The following RNF207 variants were observed in gnomAD, a reference collection of about 807,000 sequenced individuals.
The protein encoded by RNF207 is OTTHUMG00000001089.
RNF207 carries 72 observed loss-of-function variants against 79.0 expected under a neutral mutation model. The observed-to-expected ratio is 0.91, with a 90% CI of 0.75 to 1.11. The LOEUF (loss-of-function observed/expected upper bound fraction) is 1.11, where lower values mean the gene tolerates loss of function less well. RNF207 is among the 50% of genes least tolerant of loss of function. The pLI is 0.00. For synonymous variants in RNF207, 348 were observed against 366.2 expected, an observed-to-expected ratio of 0.95 and a Z score of 0.57; for missense variants, 936 against 855.8, an observed-to-expected ratio of 1.09 and a Z score of -1.17.
Position 6,206,689 on chromosome 1 carries a change from C to T in RNF207, c.154C>T (p.Arg52Cys), listed in dbSNP as rs769349321. Reference protein sequence around the residue: ...HDFCAGCLRGRATDGRLTCPL... With the variant: ...HDFCAGCLRGCATDGRLTCPL... ...CTTCTGTGCCGGCTGCCTGCGTGGC[C>T]GCGCGACCGACGGCCGCCTCACCTG... The change falls in exon 2 of 18, where the codon CGC becomes TGC. Residue 52 changes from arginine to cysteine, a missense_variant. Transcript: ENST00000377939. 12 of 1,603,912 alleles carry T rather than the reference C, an allele frequency of 7.5e-6. No individual in the cohort carries two copies. In the South Asian group the frequency reaches 1.2e-4, roughly 16 times the overall value.
Position 6,207,606 on chromosome 1 carries a change from G to T in RNF207, c.324+95G>T, listed in dbSNP as rs766695421. The stretch of plus-strand genomic sequence containing the variant: ...TGCACTCAGCATGTCTTCAGAGGAC[G>T]ACCTGGCAGTGGATTCTCCAGCACC... On this transcript the variant is annotated intron_variant, in intron 3 of 17. Coordinates refer to ENST00000377939, the MANE Select transcript of RNF207 (RefSeq NM_207396.3). This position sits in a 1 kb window ranked among gnomAD's most constrained non-coding sequence, Gnocchi z 4.5. 4.2e-5 allele frequency: 58 copies of T among 1,390,724 alleles called. No homozygotes were observed. In the Middle Eastern group the frequency reaches 1.4e-3, roughly 33 times the overall value. 86.1% of individuals were successfully genotyped at this position (1,390,724 alleles called of 1,614,324 possible).
intron 16 of RNF207, among the ~76,000 whole-genome samples, chr1:6,214,166 C>T (rs1668278878): frequency 6.6e-6 from 1 of 152,166 alleles, no homozygotes; most frequent in South Asian, 2.1e-4. Context: ...AGGCATCGCT[C>T]TCTCGCTTTC....
chr1:6,210,222 G>A lies in RNF207; in HGVS notation c.801-1G>A. The A allele has an allele frequency of 6.2e-7, 1 of 1,612,978 alleles. No homozygotes were observed. The highest frequency in any genetic ancestry group is 8.5e-7 in the Non-Finnish European group (1 of 1,179,444). ...GAAACCAGGCAGCCCCCCTCCCCCA[G>A]CCAATACGAAGAGAAGGACAAGGCC... On this transcript the variant is annotated splice_acceptor_variant, in intron 8 of 17. Transcript: ENST00000377939. LOFTEE classifies it high-confidence loss of function.
chr1:6,207,772 A>G lies in RNF207; in HGVS notation c.324+261A>G. 1.5e-6 allele frequency: 1 copy of G among 657,388 alleles called. No individual in the cohort carries two copies. The highest frequency in any genetic ancestry group is 1.5e-5 in the South Asian group (1 of 65,330). The allele number at this position is 657,388 out of a possible 1,614,324, so 40.7% of individuals were successfully genotyped here. On this transcript the variant is annotated intron_variant, in intron 3 of 17. Coordinates refer to ENST00000377939, the MANE Select transcript of RNF207 (RefSeq NM_207396.3). This position sits in a 1 kb window ranked among gnomAD's most constrained non-coding sequence, Gnocchi z 4.5. The stretch of plus-strand genomic sequence containing the variant: ...ATCTGGGGAGAGCTCACTGGTCCCC[A>G]ATTCAGGGTGGAGTTGTGGACCTGC...
chr1:6,214,923 A>C (rs573587933), intron 16 of RNF207, among the ~76,000 whole-genome samples: 17 of 149,108 alleles, frequency 1.1e-4, no homozygotes, highest in African/African-American at 4.0e-4. Flanking sequence ...CACCACGCCC[A>C]GCCTCTTTTT....
In RNF207 at chr1:6,219,141, G is replaced by A. The variant is rs1264572183; in HGVS notation, c.1734-95G>A. On this transcript the variant is annotated intron_variant, in intron 17 of 17. Coordinates refer to ENST00000377939, the MANE Select transcript of RNF207 (RefSeq NM_207396.3). ...ACTCACTGAGGCCTTCCAGGAAGAC[G>A]TTCCATTCTGAGTGCTTTGGCCCAA... The A allele has an allele frequency of 6.1e-6, 7 of 1,141,700 alleles. No homozygotes were observed. The South Asian group carries it at 7.2e-5, about 12-fold the overall frequency. The allele number at this position is 1,141,700 out of a possible 1,614,324, so 70.7% of individuals were successfully genotyped here.
rs1173259605 is a variant in RNF207 at position 6,210,947 on chromosome 1, T to C, written c.1011+9T>C. On this transcript the variant is annotated intron_variant, in intron 11 of 17. Coordinates refer to ENST00000377939, the MANE Select transcript of RNF207 (RefSeq NM_207396.3). ...CTATTCAGAGCAGCAAGGTGTGCAG[T>C]GGCCTGGGTGGGCCAGGGTCGGGGG... The C allele has an allele frequency of 2.5e-6, 4 of 1,602,838 alleles. No homozygotes were observed. Among genetic ancestry groups the C allele is most frequent in the Non-Finnish European group, 3.4e-6 (4 of 1,175,364 alleles).
At chr1:6,216,207 A>G (rs547383120) in intron 16 of RNF207, among the ~76,000 whole-genome samples, 116 of 152,268 alleles carry the variant, frequency 7.6e-4, no homozygotes, top group African/African-American at 2.8e-3. Context: ...AGTCACCTGG[A>G]AGACTGGAAG....
intron 16 of RNF207, among the ~76,000 whole-genome samples, chr1:6,214,653 T>G (rs1668301142): frequency 8.1e-6 from 1 of 123,878 alleles, no homozygotes; most frequent in Non-Finnish European, 1.7e-5. Context: ...TTTTTTTTTT[T>G]GAGACAGAGT....
chr1:6,218,888 T>C (rs1019953540), intron 17 of RNF207, among the ~76,000 whole-genome samples: 2 of 152,298 alleles, frequency 1.3e-5, no homozygotes, highest in South Asian at 2.1e-4. Flanking sequence ...AGAGGGTTGC[T>C]GAAGTGGCCA....
At chr1:6,213,623 C>T (rs1668261213) in intron 16 of RNF207, among the ~76,000 whole-genome samples, 1 of 152,186 alleles carries the variant, frequency 6.6e-6, no homozygotes, top group African/African-American at 2.4e-5. Flanking sequence ...AGTGAGTGGG[C>T]TGCTCTGAGT....
In RNF207 at chr1:6,208,890, A is replaced by G; in HGVS notation, c.334A>G (p.Thr112Ala). 1 of 1,530,498 alleles carries G rather than the reference A, an allele frequency of 6.5e-7. No homozygotes were observed. Among genetic ancestry groups the G allele is most frequent in the Non-Finnish European group, 8.7e-7 (1 of 1,143,848 alleles). The allele number at this position is 1,530,498 out of a possible 1,614,324, so 94.8% of individuals were successfully genotyped here. The change falls in exon 4 of 18, where the codon ACC becomes GCC. Residue 112 changes from threonine (T) to alanine (A), a missense_variant. By Grantham distance (58) the Thr-to-Ala change is moderately conservative. Transcript: ENST00000377939. Reference protein sequence around the residue: ...DLECSEQDVETTYFCNTCGQP... With the variant: ...DLECSEQDVEATYFCNTCGQP... ...CGCGCTCGGCCCGCAGGACGTGGAG[A>G]CCACGTACTTCTGCAACACGTGCGG...
rs1668062099 is a variant in RNF207 at position 6,209,416 on chromosome 1, C to T, written c.630C>T (p.Ala210=). The T allele has an allele frequency of 1.3e-6, 2 of 1,520,966 alleles. No individual in the cohort carries two copies. Among genetic ancestry groups the T allele is most frequent in the African/African-American group, 1.4e-5 (1 of 70,856 alleles). The allele number at this position is 1,520,966 out of a possible 1,614,324, so 94.2% of individuals were successfully genotyped here. The change falls in exon 7 of 18, where the codon GCC becomes GCT. Residue 210 remains alanine (A), a splice_region_variant and synonymous_variant. Coordinates refer to ENST00000377939, the MANE Select transcript of RNF207 (RefSeq NM_207396.3). ...GCCTGACCACGCCCTGTCCCCAGGC[C>T]GTGAAGGCCCTGCAGACGGCCACGC... ...GCERLEQAVL[A]VKALQTATRE...
At chr1:6,209,722 T>C (rs576337272) in intron 7 of RNF207, among the ~76,000 whole-genome samples, 183 bp downstream of exon 7, 7 of 151,638 alleles carry the variant, frequency 4.6e-5, no homozygotes, top group African/African-American at 1.7e-4. Flanking sequence ...GGTGGGGGTG[T>C]GAGGTGGTCA....
chr1:6,210,056 C>A, intron 8 of RNF207, 86 bp downstream of exon 8: 1 of 1,420,668 alleles, frequency 7.0e-7, no homozygotes. Context: ...CTGCCCCACC[C>A]TGAGGAGCAA....
chr1:6,206,940 G>A (rs1225774206), intron 2 of RNF207, among the ~76,000 whole-genome samples: 1 of 152,210 alleles, frequency 6.6e-6, no homozygotes, highest in Non-Finnish European at 1.5e-5. Flanking sequence ...CCTGGAGATT[G>A]CAGTTACTGG....
chr1:6,212,064 A>T lies in RNF207; in HGVS notation c.1296+11A>T. On this transcript the variant is annotated intron_variant, in intron 13 of 17. Transcript: ENST00000377939. ...GAGGACTCCTACCGGGTGAGGGGGC[A>T]GGGATCTGCCGGAGGGGGGAGATGT... The T allele has an allele frequency of 6.3e-7, 1 of 1,585,088 alleles. No homozygotes were observed. The highest frequency in any genetic ancestry group is 8.6e-7 in the Non-Finnish European group (1 of 1,165,536).
Position 6,219,297 on chromosome 1 carries a change from T to C in RNF207, c.1795T>C (p.Trp599Arg). The C allele has an allele frequency of 6.2e-7, 1 of 1,613,702 alleles. No homozygotes were observed. Among genetic ancestry groups the C allele is most frequent in the East Asian group, 2.2e-5 (1 of 44,856 alleles). Residue 599 changes from tryptophan to arginine, a missense_variant, in exon 18 of 18, where the codon TGG (tryptophan) becomes CGG (arginine). Transcript: ENST00000377939. ...GACATCAGAGCCTAAAGGAAACAGC[T>C]GGGCTCCGAACGGCCTCTCAGAAGA... is the stretch of plus-strand genomic sequence containing the variant. ...EKTSEPKGNS[W>R]APNGLSEEPL...
chr1:6,210,105 G>A (rs1668097975), intron 8 of RNF207, 118 bp from the exon 9 acceptor site: 2 of 1,307,556 alleles, frequency 1.5e-6, no homozygotes, highest in South Asian at 1.3e-5. Context: ...GGGCAGCATG[G>A]CTCAGGGTGC....
Sources: gnomAD v4.1 joint callset for allele counts (sites outside exome capture counted in the v4.1 genomes callset) on GRCh38, gnomAD v4.1.1 for gene constraint, Gnocchi (gnomAD v3.1) non-coding constraint, MANE v1.5 for transcripts, NCBI Gene and HGNC (gene_info 2026-07-23, HGNC 2026-07-21) for gene names.